Variants in KAZN observed in about 807,000 individuals in gnomAD.
The protein encoded by KAZN is kazrin.
Under a neutral mutation model 87.4 loss-of-function variants are expected in KAZN, and 40 were observed. The observed-to-expected ratio is 0.46, with a 90% confidence interval of 0.36 to 0.60. The LOEUF (loss-of-function observed/expected upper bound fraction) is 0.60, where lower values mean the gene tolerates loss of function less well. Ranked by LOEUF, KAZN falls within the 20% of genes least tolerant of loss-of-function variation. The pLI, the probability that KAZN is intolerant of heterozygous loss-of-function variation, is 0.00. For missense variants in KAZN, 898 were observed against 1,073.9 expected (o/e 0.84, Z 2.29); for synonymous variants, 466 against 458.3 (o/e 1.02, Z -0.22).
intron 8 of KAZN, among the ~76,000 whole-genome samples, chr1:15,078,904 A>G (rs1022986941): frequency 9.9e-5 from 15 of 152,190 alleles, no homozygotes; most frequent in African/African-American, 3.4e-4. Context: ...TTCTGAAGGA[A>G]ATTAAATCAA....
chr1:14,040,465 A>G (rs940226536), intron 1 of KAZN, among the ~76,000 whole-genome samples: 1 of 152,152 alleles, frequency 6.6e-6, no homozygotes, highest in African/African-American at 2.4e-5. Flanking sequence ...AAGGGTCTTT[A>G]AGAAAGCCTT....
At chr1:14,537,483 G>A (rs1890786) in intron 2 of KAZN, among the ~76,000 whole-genome samples, 6 of 152,186 alleles carry the variant, frequency 3.9e-5, no homozygotes, top group African/African-American at 1.4e-4. Flanking sequence ...GGACAGCACA[G>A]ACTTAGTCTG....
chr1:14,025,933 A>G (rs190605113), intron 1 of KAZN, among the ~76,000 whole-genome samples: 1 of 152,256 alleles, frequency 6.6e-6, no homozygotes, highest in East Asian at 1.9e-4. Context: ...GATGCAGAGT[A>G]TGGAGCTATA....
In KAZN at chr1:14,895,148, G is replaced by C. The variant is rs778694274; in HGVS notation, c.227-65536G>C. Among the ~76,000 whole-genome samples the C allele has an allele frequency of 2.0e-5, 3 of 152,238 alleles. No homozygotes were observed. In the East Asian group the frequency reaches 5.8e-4, roughly 29 times the overall value. The stretch of plus-strand genomic sequence containing the variant: ...TTGTCCTCCCACTACCTGGCTGGTG[G>C]CCATTCCCATCATTTATGCCTTTTT... On this transcript the variant is annotated intron_variant, in intron 1 of 14. Coordinates refer to ENST00000376030, the MANE Select transcript of KAZN (RefSeq NM_201628.3).
intron 2 of KAZN, among the ~76,000 whole-genome samples, chr1:14,267,616 G>A (rs1651593373): frequency 1.3e-5 from 2 of 151,106 alleles, no homozygotes; most frequent in South Asian, 4.1e-4. Flanking sequence ...GGATACAAAG[G>A]GAAAACTATA....
At chr1:14,605,094 A>G (rs994968739) in intron 1 of KAZN, among the ~76,000 whole-genome samples, 7 of 152,226 alleles carry the variant, frequency 4.6e-5, no homozygotes, top group African/African-American at 1.4e-4. Context: ...TCATCTTTGC[A>G]TACCTCACTA....
chr1:14,776,564 C>T (rs1223019224), intron 1 of KAZN, among the ~76,000 whole-genome samples: 1 of 152,112 alleles, frequency 6.6e-6, no homozygotes, highest in Non-Finnish European at 1.5e-5. Context: ...TAACCGCAGC[C>T]ATTTATTGTG....
intron 2 of KAZN, among the ~76,000 whole-genome samples, chr1:14,544,606 T>C (rs1309178539): frequency 6.6e-6 from 1 of 151,984 alleles, no homozygotes; most frequent in Non-Finnish European, 1.5e-5. Flanking sequence ...CTTTTCTTTG[T>C]GCCAGAGGTG....
chr1:14,123,952 A>G (rs901520058), intron 1 of KAZN, among the ~76,000 whole-genome samples: 1 of 152,020 alleles, frequency 6.6e-6, no homozygotes, highest in Non-Finnish European at 1.5e-5. Flanking sequence ...AGTGATGACA[A>G]ATGTGTGGCT....
At chr1:14,479,255 C>T (rs1217932247) in intron 2 of KAZN, among the ~76,000 whole-genome samples, 1 of 152,190 alleles carries the variant, frequency 6.6e-6, no homozygotes, top group Non-Finnish European at 1.5e-5. Flanking sequence ...CTGTCCCCTG[C>T]AGCTGCAGCT....
intron 1 of KAZN, among the ~76,000 whole-genome samples, chr1:14,698,506 C>A (rs539098500): frequency 1.3e-5 from 2 of 152,240 alleles, no homozygotes; most frequent in Non-Finnish European, 2.9e-5. Context: ...AATTCCACTG[C>A]CCCTCCCATG....
chr1:14,863,502 G>T (rs993208634), intron 1 of KAZN, among the ~76,000 whole-genome samples: 1 of 152,174 alleles, frequency 6.6e-6, no homozygotes, highest in Non-Finnish European at 1.5e-5. Flanking sequence ...TTTCCACTCA[G>T]TCAGGATGCA....
intron 2 of KAZN, among the ~76,000 whole-genome samples, chr1:14,234,164 G>A (rs1352065447): frequency 1.3e-5 from 2 of 152,128 alleles, no homozygotes; most frequent in African/African-American, 2.4e-5. Flanking sequence ...GCCCATCAAT[G>A]ATAGACTGGA....
At chr1:14,684,963 G>A (rs1394896324) in intron 1 of KAZN, among the ~76,000 whole-genome samples, 2 of 152,152 alleles carry the variant, frequency 1.3e-5, no homozygotes, top group Non-Finnish European at 2.9e-5. Flanking sequence ...ACCACAGATG[G>A]GATTGTGTAC....
intron 2 of KAZN, among the ~76,000 whole-genome samples, chr1:14,983,675 C>T (rs1267625542): frequency 6.6e-6 from 1 of 152,208 alleles, no homozygotes; most frequent in Non-Finnish European, 1.5e-5. Context: ...GGCGTGGTGG[C>T]TCATACCTGT....
chr1:15,104,967 T>C (rs1038981453), intron 13 of KAZN, among the ~76,000 whole-genome samples: 3 of 152,254 alleles, frequency 2.0e-5, no homozygotes, highest in East Asian at 3.8e-4. Flanking sequence ...TATTGATTGA[T>C]TGAATTTCAT....
At chr1:14,132,586 G>T (rs1370283252) in intron 1 of KAZN, among the ~76,000 whole-genome samples, 2 of 152,080 alleles carry the variant, frequency 1.3e-5, no homozygotes, top group African/African-American at 4.8e-5. Context: ...ACAAAATCAG[G>T]GTGCCATTAC....
chr1:14,890,306 G>A (rs1654558360), intron 1 of KAZN, among the ~76,000 whole-genome samples: 1 of 152,198 alleles, frequency 6.6e-6, no homozygotes, highest in Non-Finnish European at 1.5e-5. Flanking sequence ...TTTCTCAGCT[G>A]TGTGCAAAGC....
chr1:14,693,123 G>C (rs982466330), intron 1 of KAZN, among the ~76,000 whole-genome samples: 1 of 152,158 alleles, frequency 6.6e-6, no homozygotes, highest in Non-Finnish European at 1.5e-5. Context: ...GTTAAGTAGG[G>C]CTGATTATGT....
Sources: gnomAD v4.1 joint callset for allele counts (sites outside exome capture counted in the v4.1 genomes callset) on GRCh38, gnomAD v4.1.1 for gene constraint, MANE v1.5 for transcripts, NCBI Gene and HGNC (gene_info 2026-07-23, HGNC 2026-07-21) for gene names.